MON2: variants seen among roughly 807,000 people sequenced by gnomAD.
The protein encoded by MON2 is MON2 regulator of endosome-to-Golgi trafficking.
MON2 carries 84 observed loss-of-function variants against 208.6 expected under a neutral mutation model. The ratio of observed to expected loss-of-function variants is 0.40; its 90% CI spans 0.34 to 0.48. MON2 has a LOEUF of 0.48. Ranked by LOEUF, MON2 falls within the 20% of genes least tolerant of loss-of-function variation. The pLI, the probability that MON2 is intolerant of heterozygous loss-of-function variation, is 0.59. For synonymous variants in MON2, 660 were observed against 694.0 expected, an observed-to-expected ratio of 0.95 and a Z score of 0.77; for missense variants, 1,611 against 2,015.4, an observed-to-expected ratio of 0.80 and a Z score of 3.84.
At chr12:62,517,709 C>G (rs898872358) in intron 8 of MON2, among the ~76,000 whole-genome samples, 10 of 152,184 alleles carry the variant, frequency 6.6e-5, no homozygotes, top group African/African-American at 2.2e-4. Flanking sequence ...TTTCCAGCCT[C>G]CAGAATTGTA....
Position 62,592,840 on chromosome 12 carries a change from G to A in MON2, c.*91G>A, listed in dbSNP as rs12357. ...TGTGAGAAGGACATTTCTTACTGCA[G>A]ATAATTCTTGGCAGCTGTTGTTGGC... On this transcript the variant is annotated 3_prime_UTR_variant, in exon 35 of 35. Transcript: ENST00000393630. 460,534 of 1,271,388 alleles carry A rather than the reference G, an allele frequency of 0.36. 85,383 individuals carry two copies. Among genetic ancestry groups the A allele is most frequent in the African/African-American group, 0.47 (31,828 of 67,710 alleles). The allele number at this position is 1,271,388 out of a possible 1,614,324, so 78.8% of individuals were successfully genotyped here.
intron 34 of MON2, chr12:62,589,057 A>G: frequency 2.0e-6 from 1 of 505,254 alleles, no homozygotes; most frequent in South Asian, 3.3e-5. Flanking sequence ...TTTTCAGACC[A>G]TGTTTTGTTC....
chr12:62,557,801 T>C (rs559489159), intron 25 of MON2, among the ~76,000 whole-genome samples: 1 of 151,062 alleles, frequency 6.6e-6, no homozygotes, highest in Non-Finnish European at 1.5e-5. Flanking sequence ...ATTGGGATTT[T>C]TTCATATAAA....
At chr12:62,512,296 C>T (rs1351467157) in intron 8 of MON2, among the ~76,000 whole-genome samples, 1 of 152,202 alleles carries the variant, frequency 6.6e-6, no homozygotes, top group Non-Finnish European at 1.5e-5. Flanking sequence ...AGGCAAGTCT[C>T]TTCTGCCTAT....
intron 11 of MON2, among the ~76,000 whole-genome samples, chr12:62,527,955 G>C (rs2072423285): frequency 6.6e-6 from 1 of 151,958 alleles, no homozygotes; most frequent in South Asian, 2.1e-4. Context: ...ATTGATACTG[G>C]ATTTTAACTA....
intron 8 of MON2, among the ~76,000 whole-genome samples, chr12:62,511,792 C>A (rs528015131): frequency 4.6e-5 from 7 of 152,194 alleles, no homozygotes; most frequent in Non-Finnish European, 1.0e-4. Context: ...ATCTTCTACA[C>A]CTCAAAGAAA....
In MON2 at chr12:62,547,029, C is replaced by A; in HGVS notation, c.2710C>A (p.Pro904Thr). 6.2e-7 allele frequency: 1 copy of A among 1,606,262 alleles called. No homozygotes were observed. Among genetic ancestry groups the A allele is most frequent in the Non-Finnish European group, 8.5e-7 (1 of 1,175,392 alleles). Residue 904 changes from proline to threonine, a missense_variant, in exon 22 of 35, where the codon CCA becomes ACA. Physicochemically the swap from Pro to Thr is conservative, Grantham distance 38. Transcript: ENST00000393630. ...SQGDSLGPGW[P>T]LVLGVMGAIR... ...GGGAGACAGTCTTGGGCCTGGATGG[C>A]CATTAGTGCTTGGAGTCATGGGAGC...
chr12:62,477,907 C>T (rs1389291231), intron 1 of MON2, among the ~76,000 whole-genome samples: 2 of 152,096 alleles, frequency 1.3e-5, no homozygotes, highest in Non-Finnish European at 2.9e-5. Flanking sequence ...TGGCTGCAGC[C>T]GTTGTTGCCA....
chr12:62,490,455 G>A (rs947610493), intron 2 of MON2, among the ~76,000 whole-genome samples: 1 of 151,942 alleles, frequency 6.6e-6, no homozygotes, highest in African/African-American at 2.4e-5. Context: ...CTGTAGGAAG[G>A]TATTTACGTA....
intron 2 of MON2, among the ~76,000 whole-genome samples, chr12:62,486,872 T>A (rs1042604549): frequency 6.6e-6 from 1 of 152,152 alleles, no homozygotes; most frequent in African/African-American, 2.4e-5. Context: ...ATATTCAGAA[T>A]ATATAAAGAT....
At chr12:62,489,562 C>G (rs1195140766) in intron 2 of MON2, among the ~76,000 whole-genome samples, 2 of 151,918 alleles carry the variant, frequency 1.3e-5, no homozygotes, top group Non-Finnish European at 2.9e-5. Context: ...TTTTGTAGCT[C>G]TGCACTTAGG....
chr12:62,550,239 G>C (rs965514549), intron 23 of MON2, among the ~76,000 whole-genome samples: 1 of 152,080 alleles, frequency 6.6e-6, no homozygotes, highest in African/African-American at 2.4e-5. Flanking sequence ...CAAGTACAAG[G>C]CTGTTTCAGG....
At chr12:62,547,218 T>G in intron 22 of MON2, 146 bp downstream of exon 22, 4 of 490,560 alleles carry the variant, frequency 8.2e-6, no homozygotes, top group Non-Finnish European at 9.6e-6. Flanking sequence ...ATGTATGCGC[T>G]TCCTGCTTAA....
chr12:62,512,031 A>C (rs747805722), intron 8 of MON2, among the ~76,000 whole-genome samples: 1 of 152,184 alleles, frequency 6.6e-6, no homozygotes, highest in Admixed American at 6.5e-5. Context: ...GAGACTTACT[A>C]TCATGAGAAC....
At chr12:62,592,009 G>T (rs1203719728) in intron 34 of MON2, among the ~76,000 whole-genome samples, 3 of 152,120 alleles carry the variant, frequency 2.0e-5, no homozygotes, top group African/African-American at 7.2e-5. Context: ...ATTTGTTCAT[G>T]ATAGTGGTGA....
chr12:62,560,417 T>C, intron 25 of MON2, 74 bp from the exon 26 acceptor site: 1 of 1,423,008 alleles, frequency 7.0e-7, no homozygotes, highest in Non-Finnish European at 9.4e-7. Context: ...GCAAATATGC[T>C]TTCAAGTGTC....
intron 30 of MON2, among the ~76,000 whole-genome samples, chr12:62,573,534 T>G (rs1301073798): frequency 6.6e-6 from 1 of 151,858 alleles, no homozygotes; most frequent in Non-Finnish European, 1.5e-5. Context: ...AAATCCAGCC[T>G]GAGCAACATA....
intron 1 of MON2, among the ~76,000 whole-genome samples, chr12:62,479,134 G>A (rs1309042976): frequency 6.6e-6 from 1 of 152,124 alleles, no homozygotes; most frequent in Non-Finnish European, 1.5e-5. Flanking sequence ...TGTAGTATAG[G>A]AGACAGATCA....
intron 26 of MON2, 196 bp from the exon 27 acceptor site, chr12:62,565,041 C>T: frequency 2.1e-6 from 1 of 476,430 alleles, no homozygotes; most frequent in Non-Finnish European, 3.6e-6. Flanking sequence ...CATTTTTTAG[C>T]TGATTAACAG....
Sources: allele counts gnomAD v4.1 joint callset (sites outside exome capture counted in the v4.1 genomes callset), GRCh38; gene constraint gnomAD v4.1.1; transcripts MANE v1.5; gene names NCBI Gene and HGNC (gene_info 2026-07-23, HGNC 2026-07-21).